GTF2F2: variants seen among roughly 807,000 people sequenced by gnomAD.
The protein encoded by GTF2F2 is general transcription factor IIF subunit 2.
In GTF2F2, 23 loss-of-function variants were observed where a neutral mutation model predicts 42.2. The observed-to-expected ratio is 0.55, with a 90% CI of 0.39 to 0.77. The LOEUF (loss-of-function observed/expected upper bound fraction) is 0.77. Ranked by LOEUF, GTF2F2 falls within the 30% of genes least tolerant of loss-of-function variation. GTF2F2 has a pLI of 0.00. For missense variants in GTF2F2, 261 were observed against 287.2 expected (o/e 0.91, Z 0.66); for synonymous variants, 105 against 100.8 (o/e 1.04, Z -0.25).
chr13:45,205,192 C>T (rs1475156439), intron 4 of GTF2F2, among the ~76,000 whole-genome samples: 1 of 152,178 alleles, frequency 6.6e-6, no homozygotes, highest in East Asian at 1.9e-4. Context: ...TTAATTGACT[C>T]ACGGTTCCGC....
intron 5 of GTF2F2, among the ~76,000 whole-genome samples, chr13:45,223,745 C>G (rs1874215778): frequency 6.6e-6 from 1 of 152,124 alleles, no homozygotes; most frequent in African/African-American, 2.4e-5. Context: ...AATGACAGTA[C>G]TGTGCTATAC....
At chr13:45,211,073 G>A (rs1873611556) in intron 5 of GTF2F2, among the ~76,000 whole-genome samples, 1 of 152,290 alleles carries the variant, frequency 6.6e-6, no homozygotes, top group Admixed American at 6.5e-5. Flanking sequence ...CTTCTGGTTG[G>A]TGGTGGCTCT....
intron 5 of GTF2F2, among the ~76,000 whole-genome samples, chr13:45,226,152 G>A (rs1323215950): frequency 1.3e-5 from 2 of 152,086 alleles, no homozygotes; most frequent in Admixed American, 1.3e-4. Flanking sequence ...TGGGTGGGTA[G>A]GGGAGACTTA....
intron 4 of GTF2F2, among the ~76,000 whole-genome samples, chr13:45,191,991 T>G (rs1340785511): frequency 6.6e-6 from 1 of 152,126 alleles, no homozygotes; most frequent in Non-Finnish European, 1.5e-5. Flanking sequence ...TGAAATCTTG[T>G]AAGAGAAAAT....
intron 5 of GTF2F2, among the ~76,000 whole-genome samples, chr13:45,248,755 C>T (rs1291318684): frequency 1.3e-5 from 2 of 152,132 alleles, no homozygotes; most frequent in Admixed American, 6.6e-5. Context: ...GGATTACAGG[C>T]GTGAGCCACC....
chr13:45,209,339 A>G (rs1873541313), intron 5 of GTF2F2, among the ~76,000 whole-genome samples: 1 of 152,230 alleles, frequency 6.6e-6, no homozygotes, highest in Non-Finnish European at 1.5e-5. Flanking sequence ...GGTTTGTATA[A>G]GTACACTCTA....
chr13:45,168,493 A>G (rs1345833002), intron 4 of GTF2F2, among the ~76,000 whole-genome samples: 1 of 152,270 alleles, frequency 6.6e-6, no homozygotes, highest in Non-Finnish European at 1.5e-5. Context: ...ATTAAGCAAC[A>G]GTTGTCCTTA....
At chr13:45,231,206 C>G (rs1874662719) in intron 5 of GTF2F2, among the ~76,000 whole-genome samples, 1 of 152,132 alleles carries the variant, frequency 6.6e-6, no homozygotes, top group South Asian at 2.1e-4. Flanking sequence ...CTCCCAGGTT[C>G]AAGCAATTCT....
chr13:45,145,536 C>A (rs1346915410), intron 2 of GTF2F2, among the ~76,000 whole-genome samples: 2 of 152,204 alleles, frequency 1.3e-5, no homozygotes, highest in African/African-American at 2.4e-5. Flanking sequence ...CCACACACAT[C>A]CCTCTTTACA....
chr13:45,281,442 C>T (rs1333614263), intron 7 of GTF2F2, among the ~76,000 whole-genome samples: 3 of 152,326 alleles, frequency 2.0e-5, no homozygotes, highest in South Asian at 4.1e-4. Context: ...GTTGGTAACA[C>T]GTACTCTACA....
chr13:45,247,551 C>G (rs1875692159), intron 5 of GTF2F2, among the ~76,000 whole-genome samples: 1 of 151,582 alleles, frequency 6.6e-6, no homozygotes, highest in African/African-American at 2.4e-5. Context: ...TGCCACCACA[C>G]CCAGCTAATT....
chr13:45,194,058 A>C, intron 4 of GTF2F2: 1 of 1,614,142 alleles, frequency 6.2e-7, no homozygotes, highest in Non-Finnish European at 8.5e-7. Flanking sequence ...GAACAATGCG[A>C]GACTTTATTT....
At chr13:45,220,899 A>G (rs958439894) in intron 5 of GTF2F2, 1 of 151,488 alleles carries the variant, frequency 6.6e-6, no homozygotes, top group Non-Finnish European at 1.5e-5. Flanking sequence ...TTTGCCTCCG[A>G]CCTTATCTTG....
intron 6 of GTF2F2, among the ~76,000 whole-genome samples, chr13:45,260,706 G>A (rs938155607): frequency 2.0e-5 from 3 of 152,184 alleles, no homozygotes; most frequent in African/African-American, 7.2e-5. Context: ...ACAAAGGATT[G>A]TCAACATTTG....
chr13:45,217,130 C>G (rs1162357085), intron 5 of GTF2F2, among the ~76,000 whole-genome samples: 1 of 151,786 alleles, frequency 6.6e-6, no homozygotes, highest in Non-Finnish European at 1.5e-5. Flanking sequence ...GAAACCCCGT[C>G]TCTACTAAAA....
rs1161627204 is a variant in GTF2F2 at position 45,127,938 on chromosome 13, C to CTTTTTTTT, written c.66+7241_66+7248dup. ...GAGCCACTGTGCCTGGCACCCCGGC[C>CTTTTTTTT]TTTTTTTTTTTTTTTTTTTTTTTTT... On this transcript the variant is annotated intron_variant, in intron 1 of 7. Coordinates refer to ENST00000340473, the MANE Select transcript of GTF2F2 (RefSeq NM_004128.3). Among the ~76,000 whole-genome samples, 152 of 48,608 alleles carry CTTTTTTTT rather than the reference C, an allele frequency of 3.1e-3. 2 individuals are homozygous for CTTTTTTTT. Among genetic ancestry groups the CTTTTTTTT allele is most frequent in the Non-Finnish European group, 3.8e-3 (100 of 26,522 alleles). 31.9% of individuals were successfully genotyped at this position (48,608 alleles called of 152,430 possible).
intron 4 of GTF2F2, among the ~76,000 whole-genome samples, chr13:45,200,876 A>G (rs1024430529): frequency 7.2e-5 from 11 of 152,228 alleles, no homozygotes; most frequent in African/African-American, 2.7e-4. Context: ...GTGTCGACAC[A>G]GGTGTGATGT....
At chr13:45,189,370 C>T (rs1872544194) in intron 4 of GTF2F2, among the ~76,000 whole-genome samples, 1 of 152,154 alleles carries the variant, frequency 6.6e-6, no homozygotes, top group Non-Finnish European at 1.5e-5. Flanking sequence ...CATACGTGTG[C>T]ATGTGTCTTT....
intron 2 of GTF2F2, among the ~76,000 whole-genome samples, chr13:45,149,564 AAAT>A (rs1158455676): frequency 2.0e-5 from 3 of 152,196 alleles, no homozygotes; most frequent in African/African-American, 7.2e-5. Context: ...ATAATATCCA[AAAT>A]AATGATGTGT....
Sources: gnomAD v4.1 joint callset for allele counts (sites outside exome capture counted in the v4.1 genomes callset) on GRCh38, gnomAD v4.1.1 for gene constraint, MANE v1.5 for transcripts, NCBI Gene and HGNC (gene_info 2026-07-23, HGNC 2026-07-21) for gene names.